ARID4A: variants seen among roughly 807,000 people sequenced by gnomAD.
ARID4A encodes the protein AT-rich interaction domain 4A, also known as AT-rich interactive domain-containing protein 4A.
A neutral mutation model predicts 148.6 loss-of-function variants in ARID4A; 39 were observed. The observed-to-expected ratio is 0.26, with a 90% confidence interval of 0.20 to 0.34. ARID4A has a LOEUF of 0.34. Ranked by LOEUF, ARID4A falls within the 10% of genes least tolerant of loss-of-function variation. The pLI, the probability that ARID4A is intolerant of heterozygous loss-of-function variation, is 1.00. For synonymous variants in ARID4A, 475 were observed against 481.2 expected, an observed-to-expected ratio of 0.99 and a Z score of 0.17; for missense variants, 1,265 against 1,449.1, an observed-to-expected ratio of 0.87 and a Z score of 2.06.
At chr14:58,322,980 A>AAATATATATATAT (rs1255021613) in intron 7 of ARID4A, among the ~76,000 whole-genome samples, 5 of 114,286 alleles carry the variant, frequency 4.4e-5, no homozygotes, top group African/African-American at 1.8e-4. Context: ...AAAAAAAAAA[A>AAATATATATATAT]ATATATATAT....
intron 5 of ARID4A, among the ~76,000 whole-genome samples, chr14:58,317,624 CTTTTTTTTT>C (rs71107933): frequency 5.7e-5 from 4 of 69,888 alleles, no homozygotes; most frequent in Non-Finnish European, 7.3e-5. Flanking sequence ...TTATATTTGT[CTTTTTTTTT>C]TTTTTTTTTT....
intron 23 of ARID4A, among the ~76,000 whole-genome samples, chr14:58,370,346 G>C (rs1306276971): frequency 6.6e-6 from 1 of 152,212 alleles, no homozygotes; most frequent in Non-Finnish European, 1.5e-5. Flanking sequence ...GCCCAGGCTG[G>C]AGTGCAATGG....
At chr14:58,310,904 TA>T in intron 5 of ARID4A, among the ~76,000 whole-genome samples, 1 of 151,968 alleles carries the variant, frequency 6.6e-6, no homozygotes, top group Non-Finnish European at 1.5e-5. Flanking sequence ...ATCCAGAATT[TA>T]TAAGGAACTT....
chr14:58,301,608 T>C lies in ARID4A; in HGVS notation c.35T>C (p.Val12Ala). 1.9e-6 allele frequency: 3 copies of C among 1,614,080 alleles called. No homozygotes were observed. Among genetic ancestry groups the C allele is most frequent in the South Asian group, 2.2e-5 (2 of 91,060 alleles). The change falls in exon 3 of 24, where the codon GTG (valine) becomes GCG (alanine). Residue 12 changes from valine to alanine, a missense_variant. By Grantham distance (64) the Val-to-Ala change is moderately conservative (BLOSUM62 0). Coordinates refer to ENST00000355431, the MANE Select transcript of ARID4A (RefSeq NM_002892.4). ...GCAGATGAGCCTGCCTACCTGACAG[T>C]GGGAACCGATGTCAGTGCCAAGTAC... ...KAADEPAYLT[V>A]GTDVSAKYRG...
chr14:58,371,789 G>T, intron 23 of ARID4A, 97 bp from the exon 24 acceptor site: 1 of 935,672 alleles, frequency 1.1e-6, no homozygotes, highest in South Asian at 1.4e-5. Flanking sequence ...CTGTGATTAA[G>T]GTGAATAATG....
chr14:58,366,131 G>C lies in ARID4A; in HGVS notation c.3424G>C (p.Ala1142Pro), dbSNP rs1380216681. Residue 1142 changes from alanine (A) to proline (P), a missense_variant, in exon 22 of 24, where the codon GCA becomes CCA. Around this residue, in one of 9 missense-constraint regions of ARID4A, gnomAD observed 666 missense variants for 730.9 expected, o/e 0.91. Transcript: ENST00000355431. Reference sequence around the variant, plus strand: ...GCCACAGAAACTTGCACGATCTCCTGCAAGAATATCCCCGCACATCAAAGA... The same window carrying C: ...GCCACAGAAACTTGCACGATCTCCTCCAAGAATATCCCCGCACATCAAAGA... ...SKPQKLARSP[A>P]RISPHIKDGE... is the part of the protein sequence containing the mutation. 4 of 1,613,774 alleles carry C rather than the reference G, an allele frequency of 2.5e-6. No homozygotes were observed. The highest frequency in any genetic ancestry group is 2.2e-5 in the South Asian group (2 of 91,072).
intron 2 of ARID4A, 83 bp from the exon 3 acceptor site, chr14:58,301,497 C>G: frequency 1.1e-6 from 1 of 916,000 alleles, no homozygotes; most frequent in Non-Finnish European, 1.7e-6. Flanking sequence ...CTTAATGCTT[C>G]AAACACAACC....
Position 58,372,301 on chromosome 14 carries a change from A to G in ARID4A, c.*312A>G. The G allele has an allele frequency of 3.4e-6, 1 of 298,238 alleles. No homozygotes were observed. Among genetic ancestry groups the G allele is most frequent in the Non-Finnish European group, 6.2e-6 (1 of 160,052 alleles). The allele number at this position is 298,238 out of a possible 1,614,324, so 18.5% of individuals were successfully genotyped here. Reference sequence around the variant, plus strand: ...TTTGAATTTGTATAATAAAGCTTTCAGGTGTTACAGAAATCGTAGACAAGC... The same window carrying G: ...TTTGAATTTGTATAATAAAGCTTTCGGGTGTTACAGAAATCGTAGACAAGC... On this transcript the variant is annotated 3_prime_UTR_variant, in exon 24 of 24. Coordinates refer to ENST00000355431, the MANE Select transcript of ARID4A (RefSeq NM_002892.4).
intron 7 of ARID4A, among the ~76,000 whole-genome samples, chr14:58,320,708 T>A (rs1594891628): frequency 6.6e-6 from 1 of 151,470 alleles, no homozygotes; most frequent in East Asian, 1.9e-4. Flanking sequence ...CCTGGGTTCT[T>A]GCCATTCTCC....
intron 23 of ARID4A, among the ~76,000 whole-genome samples, chr14:58,370,613 T>A (rs2035564907): frequency 6.6e-6 from 1 of 151,320 alleles, no homozygotes; most frequent in Admixed American, 6.6e-5. Context: ...ATTTTTTTAT[T>A]ACCGTCTTTT....
chr14:58,325,565 C>T (rs978621771), intron 8 of ARID4A, among the ~76,000 whole-genome samples: 1 of 152,148 alleles, frequency 6.6e-6, no homozygotes, highest in South Asian at 2.1e-4. Context: ...CAGGTGTGAG[C>T]CACTGCGCCT....
chr14:58,314,734 A>ATT (rs1403318101), intron 5 of ARID4A, among the ~76,000 whole-genome samples: 1 of 151,982 alleles, frequency 6.6e-6, no homozygotes, highest in Non-Finnish European at 1.5e-5. Context: ...CCTGCCCCCC[A>ATT]TTGTTGGGTT....
At chr14:58,321,361 G>A (rs1205369792) in intron 7 of ARID4A, among the ~76,000 whole-genome samples, 4 of 151,840 alleles carry the variant, frequency 2.6e-5, no homozygotes, top group Admixed American at 6.6e-5. Context: ...TTTTCCTAAC[G>A]CTATGGATTC....
chr14:58,321,708 C>G (rs1051420862), intron 7 of ARID4A, among the ~76,000 whole-genome samples: 1 of 151,866 alleles, frequency 6.6e-6, no homozygotes, highest in Non-Finnish European at 1.5e-5. Flanking sequence ...AGCTGCAAAC[C>G]AGAAAATAAT....
At chr14:58,311,219 C>T (rs2032004975) in intron 5 of ARID4A, among the ~76,000 whole-genome samples, 2 of 152,098 alleles carry the variant, frequency 1.3e-5, no homozygotes, top group Admixed American at 1.3e-4. Context: ...GCACTCCAGC[C>T]TGGGCGACAG....
chr14:58,319,335 A>G (rs1472470384), intron 7 of ARID4A, among the ~76,000 whole-genome samples: 1 of 151,284 alleles, frequency 6.6e-6, no homozygotes, highest in Non-Finnish European at 1.5e-5. Context: ...CCAAAGTGCT[A>G]GGATTACAGG....
chr14:58,328,107 A>G, intron 8 of ARID4A, 130 bp from the exon 9 acceptor site: 1 of 662,764 alleles, frequency 1.5e-6, no homozygotes, highest in Non-Finnish European at 2.6e-6. Flanking sequence ...GGAGCTATTT[A>G]TAATGAAGCT....
intron 18 of ARID4A, among the ~76,000 whole-genome samples, chr14:58,360,507 A>G (rs943445397): frequency 1.3e-5 from 2 of 152,210 alleles, no homozygotes; most frequent in Non-Finnish European, 2.9e-5. Context: ...TGTTTTGTCT[A>G]CTGGATGATA....
At chr14:58,329,653 G>T (rs201474372) in intron 10 of ARID4A, 49 bp downstream of exon 10, 1 of 1,442,388 alleles carries the variant, frequency 6.9e-7, no homozygotes, top group Admixed American at 1.7e-5. Context: ...GGCTCTATTT[G>T]GAAAATAGCA....
Sources: gnomAD v4.1 joint callset for allele counts (sites outside exome capture counted in the v4.1 genomes callset) on GRCh38, gnomAD v4.1.1 for gene constraint, gnomAD v4.1.1 regional missense constraint, MANE v1.5 for transcripts, NCBI Gene and HGNC (gene_info 2026-07-23, HGNC 2026-07-21) for gene names.